ZBTB20: variants seen among roughly 807,000 people sequenced by gnomAD.
ZBTB20 encodes the protein zinc finger and BTB domain containing 20.
A neutral mutation model predicts 56.9 loss-of-function variants in ZBTB20; 9 were observed. That is an observed-to-expected ratio of 0.16 (90% CI 0.10 to 0.28). ZBTB20 has a LOEUF of 0.28. Among genes scored for constraint, ZBTB20 ranks in the 10% least tolerant of loss-of-function variants. The probability of loss-of-function intolerance (pLI) is 1.00; values close to 1 mark genes in which losing one functional copy is unlikely to be tolerated. For missense variants in ZBTB20, 655 were observed against 1,003.0 expected, an observed-to-expected ratio of 0.65 and a Z score of 4.69; for synonymous variants, 417 against 420.7, an observed-to-expected ratio of 0.99 and a Z score of 0.11.
intron 5 of ZBTB20, among the ~76,000 whole-genome samples, chr3:114,727,766 A>C (rs1003454582): frequency 2.6e-5 from 4 of 152,224 alleles, no homozygotes; most frequent in African/African-American, 9.6e-5. Flanking sequence ...AAATCTCTAA[A>C]GAACAGGAGC....
At chr3:114,828,801 T>A (rs1262207663) in intron 4 of ZBTB20, among the ~76,000 whole-genome samples, 1 of 151,884 alleles carries the variant, frequency 6.6e-6, no homozygotes, top group Non-Finnish European at 1.5e-5. Context: ...GCACTTCCAA[T>A]TTGGCTAAAC....
At position 114,497,003 on chromosome 3, in the gene ZBTB20, G is replaced by T. The variant is rs1018086412; in HGVS notation, c.-255+3349C>A. On this transcript the variant is annotated intron_variant, in intron 7 of 11. Transcript: ENST00000675478. ...AAAGTGAGGTCATATTCAAATTGAG[G>T]TCTTTGCTGAAGATCCCATAAGGAT... 2.0e-5 allele frequency among the ~76,000 whole-genome samples: 3 copies of T among 152,178 alleles called. 1 individual carries two copies. The highest frequency in any genetic ancestry group is 7.2e-5 in the African/African-American group (3 of 41,432).
At chr3:114,858,935 T>C (rs557232154) in intron 4 of ZBTB20, among the ~76,000 whole-genome samples, 2 of 152,158 alleles carry the variant, frequency 1.3e-5, no homozygotes, top group Non-Finnish European at 2.9e-5. Flanking sequence ...ATTTGAAGTA[T>C]ATAAGAAAAC....
chr3:114,577,626 G>C (rs1231645220), intron 6 of ZBTB20, among the ~76,000 whole-genome samples: 1 of 152,136 alleles, frequency 6.6e-6, no homozygotes, highest in Non-Finnish European at 1.5e-5. Flanking sequence ...CAGCTCTTTA[G>C]AGTAATGAGG....
chr3:114,636,384 ACTAGAGACCT>A (rs1257942606), intron 6 of ZBTB20, among the ~76,000 whole-genome samples: 1 of 152,142 alleles, frequency 6.6e-6, no homozygotes, highest in Non-Finnish European at 1.5e-5. Flanking sequence ...ATAGTCAAAT[ACTAGAGACCT>A]CTAGTACTCT....
At chr3:114,676,480 G>A (rs1011894178) in intron 6 of ZBTB20, among the ~76,000 whole-genome samples, 4 of 152,020 alleles carry the variant, frequency 2.6e-5, no homozygotes, top group African/African-American at 7.2e-5. Context: ...TTAATAAATA[G>A]AATCCCTTTT....
rs138739770 is a variant in ZBTB20 at position 114,959,205 on chromosome 3, T to A, written c.-456+15161A>T. On this transcript the variant is annotated intron_variant, in intron 3 of 11. Transcript: ENST00000675478. ...TTTTTAAAACAGAATACCACACAGG[T>A]TGTATAAGGCTTATCTTCAAACATT... 4.6e-3 allele frequency among the ~76,000 whole-genome samples: 702 copies of A among 152,238 alleles called. 3 individuals carry two copies. Among genetic ancestry groups the A allele is most frequent in the Middle Eastern group, 0.014 (4 of 294 alleles).
At chr3:114,559,437 C>T (rs1173836912) in intron 6 of ZBTB20, among the ~76,000 whole-genome samples, 1 of 152,124 alleles carries the variant, frequency 6.6e-6, no homozygotes, top group Non-Finnish European at 1.5e-5. Context: ...CCCAGTCAGT[C>T]CTACAGTGAT....
intron 4 of ZBTB20, among the ~76,000 whole-genome samples, chr3:114,821,107 G>A (rs1403596697): frequency 1.3e-5 from 2 of 152,092 alleles, no homozygotes; most frequent in Non-Finnish European, 2.9e-5. Flanking sequence ...ATGGAACTTG[G>A]ATTTTCAACA....
At chr3:114,669,911 C>T (rs544883382) in intron 6 of ZBTB20, among the ~76,000 whole-genome samples, 6 of 152,094 alleles carry the variant, frequency 3.9e-5, no homozygotes, top group African/African-American at 1.2e-4. Context: ...TTTAACCTAG[C>T]ACCTCTCAAC....
intron 7 of ZBTB20, among the ~76,000 whole-genome samples, chr3:114,458,619 G>T (rs1309826567): frequency 2.6e-5 from 4 of 151,876 alleles, no homozygotes; most frequent in African/African-American, 9.7e-5. Flanking sequence ...TGAAAACTTC[G>T]ATATTTTAGA....
At chr3:115,136,096 G>A (rs2084645887) in intron 1 of ZBTB20, among the ~76,000 whole-genome samples, 1 of 152,014 alleles carries the variant, frequency 6.6e-6, no homozygotes, top group Non-Finnish European at 1.5e-5. Context: ...GATTGTAGTA[G>A]ATTTGCTTTA....
intron 8 of ZBTB20, among the ~76,000 whole-genome samples, chr3:114,382,072 C>T (rs2084427983): frequency 6.6e-6 from 1 of 152,220 alleles, no homozygotes; most frequent in Non-Finnish European, 1.5e-5. Context: ...CCAATGCTTT[C>T]TCTAAGGTCC....
At chr3:114,859,372 TCTTCCTTC>T (rs35979753) in intron 4 of ZBTB20, among the ~76,000 whole-genome samples, 2 of 150,572 alleles carry the variant, frequency 1.3e-5, no homozygotes, top group Non-Finnish European at 3.0e-5. Flanking sequence ...CTCCTTCCTT[TCTTCCTTC>T]CTTCCTTCCT....
intron 3 of ZBTB20, among the ~76,000 whole-genome samples, chr3:114,972,991 C>T (rs562038672): frequency 6.6e-6 from 1 of 152,076 alleles, no homozygotes; most frequent in African/African-American, 2.4e-5. Context: ...TGGGGCAAGG[C>T]AGGGATAAAA....
chr3:114,316,708 T>C lies in ZBTB20; in HGVS notation c.*22297A>G. 2.6e-6 allele frequency: 1 copy of C among 380,208 alleles called. No homozygotes were observed. Among genetic ancestry groups the C allele is most frequent in the East Asian group, 8.0e-5 (1 of 12,484 alleles). The allele number at this position is 380,208 out of a possible 1,614,324, so 23.6% of individuals were successfully genotyped here. On this transcript the variant is annotated 3_prime_UTR_variant, in exon 12 of 12. Transcript: ENST00000675478. ...CATTTTCAATGCAGAAAAACTGTAA[T>C]CCACTGATTCCTTGGAAAACATTTT...
intron 4 of ZBTB20, among the ~76,000 whole-genome samples, chr3:114,830,996 C>G (rs762992480): frequency 2.0e-5 from 3 of 151,532 alleles, no homozygotes; most frequent in Non-Finnish European, 4.4e-5. Flanking sequence ...CAATTCCTAC[C>G]TATTGGATCT....
intron 6 of ZBTB20, among the ~76,000 whole-genome samples, chr3:114,521,164 A>G (rs2046596271): frequency 6.6e-6 from 1 of 152,186 alleles, no homozygotes; most frequent in Non-Finnish European, 1.5e-5. Flanking sequence ...AATAAGAAAA[A>G]TTACTTTCAG....
intron 7 of ZBTB20, among the ~76,000 whole-genome samples, chr3:114,444,521 A>G (rs1018329718): frequency 6.6e-6 from 1 of 152,172 alleles, no homozygotes; most frequent in African/African-American, 2.4e-5. Flanking sequence ...TTATTTTTAT[A>G]AATTAGTTTT....
Sources: gnomAD v4.1 joint callset for allele counts (sites outside exome capture counted in the v4.1 genomes callset) on GRCh38, gnomAD v4.1.1 for gene constraint, MANE v1.5 for transcripts, NCBI Gene and HGNC (gene_info 2026-07-23, HGNC 2026-07-21) for gene names.